WDPCP: variants seen among roughly 807,000 people sequenced by gnomAD.
WDPCP encodes the protein WD repeat-containing and planar cell polarity effector protein fritz homolog.
In WDPCP, 71 loss-of-function variants were observed where a neutral mutation model predicts 93.1. The ratio of observed to expected loss-of-function variants is 0.76; its 90% CI spans 0.63 to 0.93. The LOEUF is 0.93. Ranked by LOEUF, WDPCP falls within the 40% of genes least tolerant of loss-of-function variation. The probability of loss-of-function intolerance (pLI) is 0.00; values close to 1 mark genes in which losing one functional copy is unlikely to be tolerated. For missense variants in WDPCP, 844 were observed against 887.4 expected, an observed-to-expected ratio of 0.95 and a Z score of 0.62; for synonymous variants, 315 against 315.0, an observed-to-expected ratio of 1.00 and a Z score of 0.00.
chr2:63,266,796 ACT>A (rs1682163949), intron 13 of WDPCP, among the ~76,000 whole-genome samples: 1 of 152,134 alleles, frequency 6.6e-6, no homozygotes, highest in African/African-American at 2.4e-5. Context: ...ACAGAGTGAG[ACT>A]CTGTCTCAAT....
intron 12 of WDPCP, among the ~76,000 whole-genome samples, chr2:63,314,696 CCACT>C (rs1686496214): frequency 6.6e-6 from 1 of 151,984 alleles, no homozygotes; most frequent in Admixed American, 6.6e-5. Flanking sequence ...TTATTTCTAC[CCACT>C]GTCTCCAATC....
chr2:63,668,852 A>G (rs189136937), intron 2 of WDPCP, among the ~76,000 whole-genome samples: 62 of 152,268 alleles, frequency 4.1e-4, no homozygotes, highest in African/African-American at 1.5e-3. Flanking sequence ...CAGGAATTAG[A>G]TCTAAATCTG....
chr2:63,697,798 C>T (rs944768670), intron 2 of WDPCP, among the ~76,000 whole-genome samples: 20 of 149,744 alleles, frequency 1.3e-4, no homozygotes, highest in African/African-American at 4.9e-4. Flanking sequence ...CAGGGGTGTA[C>T]CACCATGCCA....
At chr2:63,466,532 A>G (rs2105788830) in intron 6 of WDPCP, among the ~76,000 whole-genome samples, 1 of 152,342 alleles carries the variant, frequency 6.6e-6, no homozygotes, top group South Asian at 2.1e-4. Context: ...AAAGTTATAA[A>G]TTTAAAATAA....
At chr2:63,164,257 G>A (rs746070380) in intron 15 of WDPCP, among the ~76,000 whole-genome samples, 2 of 152,154 alleles carry the variant, frequency 1.3e-5, no homozygotes, top group Non-Finnish European at 2.9e-5. Flanking sequence ...TTTATACAGT[G>A]TCTGACATGG....
chr2:63,466,893 A>G (rs1699377670), intron 6 of WDPCP, among the ~76,000 whole-genome samples: 1 of 152,220 alleles, frequency 6.6e-6, no homozygotes, highest in African/African-American at 2.4e-5. Context: ...GGAGCCAGGA[A>G]ATTAAGAGTT....
intron 14 of WDPCP, among the ~76,000 whole-genome samples, chr2:63,226,909 G>T (rs1220584124): frequency 6.6e-6 from 1 of 151,890 alleles, no homozygotes; most frequent in Non-Finnish European, 1.5e-5. Flanking sequence ...AAAGTTAACA[G>T]AAAATTTGGC....
intron 2 of WDPCP, among the ~76,000 whole-genome samples, chr2:63,775,547 C>T (rs938430793): frequency 4.6e-5 from 7 of 152,184 alleles, no homozygotes; most frequent in African/African-American, 1.7e-4. Context: ...TTGTGTCCTG[C>T]TCAGAGTCCA....
intron 12 of WDPCP, chr2:63,377,855 A>G (rs1691986573): frequency 6.5e-6 from 1 of 154,456 alleles, no homozygotes; most frequent in East Asian, 1.9e-4. Flanking sequence ...TACTTTTCTT[A>G]GAGAAATCTC....
intron 14 of WDPCP, among the ~76,000 whole-genome samples, chr2:63,234,476 C>T (rs895565979): frequency 2.0e-5 from 3 of 152,006 alleles, no homozygotes; most frequent in African/African-American, 4.8e-5. Context: ...TGCAAGTAAT[C>T]CCTTTGAAAG....
intron 17 of WDPCP, among the ~76,000 whole-genome samples, chr2:63,132,091 C>T (rs1001430243): frequency 2.0e-5 from 3 of 152,040 alleles, no homozygotes; most frequent in African/African-American, 7.2e-5. Flanking sequence ...CTGCCTCGGC[C>T]TCCCAAAGTG....
At chr2:63,314,503 C>A (rs932624771) in intron 12 of WDPCP, among the ~76,000 whole-genome samples, 1 of 152,046 alleles carries the variant, frequency 6.6e-6, no homozygotes, top group Non-Finnish European at 1.5e-5. Context: ...TAAATTCTTA[C>A]CTTTTGTGCC....
At chr2:63,774,396 T>A (rs951793453) in intron 2 of WDPCP, among the ~76,000 whole-genome samples, 9 of 152,106 alleles carry the variant, frequency 5.9e-5, no homozygotes, top group African/African-American at 2.2e-4. Flanking sequence ...AGTATCAATT[T>A]TCTCACTTCA....
At chr2:63,717,991 C>T (rs570722528) in intron 2 of WDPCP, 1 of 152,020 alleles carries the variant, frequency 6.6e-6, no homozygotes, top group East Asian at 1.9e-4. Context: ...TTTTAGGAGG[C>T]CTTTGAAAAC....
chr2:63,613,552 C>G (rs1254928150), intron 3 of WDPCP, among the ~76,000 whole-genome samples: 1 of 152,190 alleles, frequency 6.6e-6, no homozygotes, highest in Non-Finnish European at 1.5e-5. Flanking sequence ...AGTACAGGCA[C>G]AGTCCTCCAA....
Position 63,588,332 on chromosome 2 carries a change from G to C in WDPCP, c.-61C>G. 1 of 1,541,388 alleles carries C rather than the reference G, an allele frequency of 6.5e-7. No homozygotes were observed. The highest frequency in any genetic ancestry group is 8.8e-7 in the Non-Finnish European group (1 of 1,137,254). ...TAGGTCCTCGGACCCGAGAGGGAGC[G>C]ACACGCTCGCTTGGTCTCTTGGGTC... On this transcript the variant is annotated 5_prime_UTR_variant, in exon 1 of 18. Transcript: ENST00000272321.
intron 13 of WDPCP, among the ~76,000 whole-genome samples, chr2:63,277,021 C>T (rs1396692893): frequency 6.6e-6 from 1 of 152,142 alleles, no homozygotes; most frequent in African/African-American, 2.4e-5. Context: ...CAGAGTAACG[C>T]ATATTTCTCA....
At chr2:63,657,353 C>T (rs947050230) in intron 2 of WDPCP, among the ~76,000 whole-genome samples, 1 of 151,732 alleles carries the variant, frequency 6.6e-6, no homozygotes, top group Non-Finnish European at 1.5e-5. Flanking sequence ...TACAGGCACC[C>T]GCCACCAAGC....
intron 6 of WDPCP, among the ~76,000 whole-genome samples, chr2:63,460,316 ATACC>A (rs1698919719): frequency 6.6e-6 from 1 of 152,186 alleles, no homozygotes; most frequent in Admixed American, 6.5e-5. Flanking sequence ...GAAGGCACAG[ATACC>A]AAAGACTGGG....
Sources: gnomAD v4.1 joint callset for allele counts (sites outside exome capture counted in the v4.1 genomes callset) on GRCh38, gnomAD v4.1.1 for gene constraint, MANE v1.5 for transcripts, NCBI Gene and HGNC (gene_info 2026-07-23, HGNC 2026-07-21) for gene names.